The following CHRNA7 variants were observed in gnomAD, a reference collection of about 807,000 sequenced individuals.
CHRNA7 encodes the protein cholinergic receptor nicotinic alpha 7 subunit, also known as neuronal acetylcholine receptor subunit alpha-7.
In CHRNA7, 17 loss-of-function variants were observed where a neutral mutation model predicts 48.0. The ratio of observed to expected loss-of-function variants is 0.35; its 90% CI spans 0.24 to 0.53. CHRNA7 has a LOEUF of 0.53. Ranked by LOEUF, CHRNA7 falls within the 20% of genes least tolerant of loss-of-function variation. The probability of loss-of-function intolerance (pLI) is 0.92; values close to 1 mark genes in which losing one functional copy is unlikely to be tolerated. For synonymous variants in CHRNA7, 75 were observed against 242.3 expected, an observed-to-expected ratio of 0.31 and a Z score of 6.41; for missense variants, 155 against 577.7, an observed-to-expected ratio of 0.27 and a Z score of 7.50.
At chr15:32,046,967 A>G (rs540713863) in intron 2 of CHRNA7, among the ~76,000 whole-genome samples, 1 of 151,194 alleles carries the variant, frequency 6.6e-6, no homozygotes, top group Non-Finnish European at 1.5e-5. Flanking sequence ...TTTGTCAAAG[A>G]TCAGATAGTT....
chr15:32,087,744 A>G (rs1261119728), intron 2 of CHRNA7, among the ~76,000 whole-genome samples: 1 of 152,198 alleles, frequency 6.6e-6, no homozygotes, highest in Non-Finnish European at 1.5e-5. Context: ...AGAATTGGTA[A>G]CTTACAACTC....
chr15:32,121,313 C>A (rs926374263), intron 4 of CHRNA7, among the ~76,000 whole-genome samples: 1 of 152,168 alleles, frequency 6.6e-6, no homozygotes, highest in Non-Finnish European at 1.5e-5. Flanking sequence ...TCACTGCCCT[C>A]GAGGCATGTG....
intron 4 of CHRNA7, among the ~76,000 whole-genome samples, chr15:32,145,895 A>T (rs1328566087): frequency 6.6e-6 from 1 of 152,008 alleles, no homozygotes; most frequent in Non-Finnish European, 1.5e-5. Flanking sequence ...GCGACGCCCC[A>T]CCCTGCTTTG....
At chr15:32,112,211 C>T in intron 4 of CHRNA7, 1 of 513,240 alleles carries the variant, frequency 1.9e-6, no homozygotes, top group Non-Finnish European at 3.8e-6. Flanking sequence ...TTGCATAAGG[C>T]AGTACCTTTG....
At chr15:32,141,188 C>T (rs1044435049) in intron 4 of CHRNA7, among the ~76,000 whole-genome samples, 3 of 152,126 alleles carry the variant, frequency 2.0e-5, no homozygotes, top group African/African-American at 7.2e-5. Flanking sequence ...AATCCTTTCC[C>T]CATTTCTTGT....
intron 2 of CHRNA7, among the ~76,000 whole-genome samples, chr15:32,068,485 G>GCA (rs2050001664): frequency 6.6e-6 from 1 of 152,116 alleles, no homozygotes; most frequent in Non-Finnish European, 1.5e-5. Flanking sequence ...ATAAATAGAT[G>GCA]CAAAAAGATA....
At chr15:32,101,452 A>G (rs2050570530) in intron 3 of CHRNA7, 105 bp downstream of exon 3, 5 of 1,200,012 alleles carry the variant, frequency 4.2e-6, no homozygotes, top group Admixed American at 2.5e-5. Context: ...CCTGTTTAGG[A>G]AAAAAAACCA....
At chr15:32,105,826 T>C (rs916703091) in intron 3 of CHRNA7, among the ~76,000 whole-genome samples, 2 of 152,218 alleles carry the variant, frequency 1.3e-5, no homozygotes, top group Non-Finnish European at 2.9e-5. Flanking sequence ...GCGGCACCTG[T>C]AGATGATCTA....
chr15:32,166,078 T>C (rs1426684609), intron 9 of CHRNA7: 1 of 152,768 alleles, frequency 6.5e-6, no homozygotes, highest in African/African-American at 2.4e-5. Flanking sequence ...GTTGTGCGAG[T>C]TTTGAAGAGA....
At chr15:32,046,825 C>G (rs1355059695) in intron 2 of CHRNA7, among the ~76,000 whole-genome samples, 1 of 151,784 alleles carries the variant, frequency 6.6e-6, no homozygotes, top group Non-Finnish European at 1.5e-5. Flanking sequence ...AGTCTTTAAT[C>G]CATCTTGAAT....
intron 2 of CHRNA7, among the ~76,000 whole-genome samples, chr15:32,047,848 A>G (rs1006795980): frequency 5.9e-5 from 9 of 152,214 alleles, no homozygotes; most frequent in African/African-American, 2.2e-4. Flanking sequence ...ACATCCCATC[A>G]ATACCTAATT....
intron 3 of CHRNA7, among the ~76,000 whole-genome samples, chr15:32,107,799 C>A (rs552752968): frequency 2.0e-5 from 3 of 152,220 alleles, no homozygotes; most frequent in South Asian, 4.2e-4. Flanking sequence ...GCTGTGAGTG[C>A]AATGGGCAGA....
chr15:32,046,949 T>C (rs2141180030), intron 2 of CHRNA7, among the ~76,000 whole-genome samples: 1 of 151,462 alleles, frequency 6.6e-6, no homozygotes, highest in African/African-American at 2.4e-5. Context: ...TTGCTTGTTT[T>C]TGTCAGGTTT....
intron 2 of CHRNA7, among the ~76,000 whole-genome samples, chr15:32,031,903 C>G (rs567124886): frequency 1.3e-5 from 2 of 152,070 alleles, no homozygotes; most frequent in Non-Finnish European, 2.9e-5. Context: ...TGGAGTGTGG[C>G]AGGGTGGGGC....
chr15:32,095,000 G>A (rs1480675520), intron 2 of CHRNA7, among the ~76,000 whole-genome samples: 1 of 152,272 alleles, frequency 6.6e-6, no homozygotes, highest in Non-Finnish European at 1.5e-5. Flanking sequence ...ATGCTGCAGA[G>A]AGAGCAATTG....
chr15:32,121,844 A>G (rs2050975952), intron 4 of CHRNA7, among the ~76,000 whole-genome samples: 1 of 152,150 alleles, frequency 6.6e-6, no homozygotes, highest in Non-Finnish European at 1.5e-5. Context: ...ATGTGGCAGG[A>G]TCCTCAATGC....
intron 4 of CHRNA7, among the ~76,000 whole-genome samples, chr15:32,138,064 AAG>A (rs1239295064): frequency 3.3e-5 from 5 of 152,222 alleles, no homozygotes; most frequent in Non-Finnish European, 7.3e-5. Context: ...CAATGAAAAA[AAG>A]AAGGAGGAAT....
chr15:32,052,463 G>T (rs2049707220), intron 2 of CHRNA7, among the ~76,000 whole-genome samples: 1 of 152,182 alleles, frequency 6.6e-6, no homozygotes, highest in South Asian at 2.1e-4. Flanking sequence ...AGGTGCGTTG[G>T]CTCACACTTG....
intron 2 of CHRNA7, among the ~76,000 whole-genome samples, chr15:32,065,341 G>A (rs774065220): frequency 1.1e-4 from 16 of 152,288 alleles, no homozygotes; most frequent in Admixed American, 6.5e-5. Context: ...AGAATTGTCA[G>A]TATTTGGTCT....
Sources: allele counts gnomAD v4.1 joint callset (sites outside exome capture counted in the v4.1 genomes callset), GRCh38; gene constraint gnomAD v4.1.1; transcripts MANE v1.5; gene names NCBI Gene and HGNC (gene_info 2026-07-23, HGNC 2026-07-21).